The following GALNT2 variants were observed in gnomAD, a reference collection of about 807,000 sequenced individuals.
The protein encoded by GALNT2 is UDP-GalNAc:polypeptide N-acetylgalactosaminyltransferase 2.
GALNT2 carries 31 observed loss-of-function variants against 81.4 expected under a neutral mutation model. That is an observed-to-expected ratio of 0.38 (90% CI 0.29 to 0.51). The LOEUF (loss-of-function observed/expected upper bound fraction) is 0.51, where lower values mean the gene tolerates loss of function less well. GALNT2 is among the 20% of genes least tolerant of loss of function. The probability of loss-of-function intolerance (pLI) is 0.87; values close to 1 mark genes in which losing one functional copy is unlikely to be tolerated. For synonymous variants in GALNT2, 303 were observed against 287.4 expected (o/e 1.05, Z -0.55); for missense variants, 629 against 765.7 (o/e 0.82, Z 2.11).
At chr1:230,136,349 A>G (rs1464279969) in intron 1 of GALNT2, among the ~76,000 whole-genome samples, 1 of 152,196 alleles carries the variant, frequency 6.6e-6, no homozygotes, top group Admixed American at 6.5e-5. Flanking sequence ...CCATCCTCTG[A>G]TAACCCTGCC....
intron 1 of GALNT2, among the ~76,000 whole-genome samples, chr1:230,097,451 C>T (rs927228032): frequency 5.3e-5 from 8 of 152,112 alleles, no homozygotes; most frequent in African/African-American, 9.7e-5. Context: ...TTTCTGTCTC[C>T]GAATCTGACT....
At chr1:230,185,309 T>C (rs866814479) in intron 2 of GALNT2, among the ~76,000 whole-genome samples, 142 of 134,408 alleles carry the variant, frequency 1.1e-3, no homozygotes, top group African/African-American at 2.3e-3. Flanking sequence ...TGTGCGCGCG[T>C]GTGTGTGTGT....
chr1:230,251,627 T>C (rs1353848641), intron 10 of GALNT2, among the ~76,000 whole-genome samples: 1 of 152,180 alleles, frequency 6.6e-6, no homozygotes, highest in Non-Finnish European at 1.5e-5. Context: ...TTGAAGTCAC[T>C]TGAGTACAAA....
intron 6 of GALNT2, among the ~76,000 whole-genome samples, chr1:230,242,986 A>G (rs1349884479): frequency 1.3e-5 from 2 of 152,248 alleles, no homozygotes; most frequent in Non-Finnish European, 2.9e-5. Flanking sequence ...CTGCTGTGTC[A>G]GAGGAATGTA....
intron 3 of GALNT2, among the ~76,000 whole-genome samples, chr1:230,224,474 C>T (rs2102725517): frequency 6.6e-6 from 1 of 152,300 alleles, no homozygotes; most frequent in South Asian, 2.1e-4. Flanking sequence ...TTCAATAGCT[C>T]TTGACTCTTG....
chr1:230,099,359 T>C (rs2102775917), intron 1 of GALNT2, among the ~76,000 whole-genome samples: 1 of 152,266 alleles, frequency 6.6e-6, no homozygotes, highest in Admixed American at 6.5e-5. Context: ...TAGCATGCCA[T>C]GGTCAGATGT....
In GALNT2 at chr1:230,279,563, C is replaced by A; in HGVS notation, c.*105C>A. The A allele has an allele frequency of 1.5e-6, 2 of 1,338,790 alleles. No homozygotes were observed. The highest frequency in any genetic ancestry group is 1.4e-5 in the South Asian group (1 of 70,662). 82.9% of individuals were successfully genotyped at this position (1,338,790 alleles called of 1,614,324 possible). A position where few individuals can be genotyped will look rare whatever the true frequency, so the allele number is the denominator to read the frequency against. ...TAAACTTTCCGCGAAACTAATATAC[C>A]TCAGTATTCCATCATGGTCTGAAAG... On this transcript the variant is annotated 3_prime_UTR_variant, in exon 16 of 16. Coordinates refer to ENST00000366672, the MANE Select transcript of GALNT2 (RefSeq NM_004481.5). This position sits in a 1 kb window ranked among gnomAD's most constrained non-coding sequence, Gnocchi z 4.6.
chr1:230,221,505 G>GGACA (rs1664546199), intron 3 of GALNT2, among the ~76,000 whole-genome samples: 1 of 152,130 alleles, frequency 6.6e-6, no homozygotes, highest in Non-Finnish European at 1.5e-5. Flanking sequence ...AAGTGTCTGT[G>GGACA]GCCAGCCAGC....
At chr1:230,115,011 T>TTTTC (rs972505021) in intron 1 of GALNT2, among the ~76,000 whole-genome samples, 3 of 149,920 alleles carry the variant, frequency 2.0e-5, no homozygotes, top group Non-Finnish European at 4.4e-5. Flanking sequence ...TCACTCTTTT[T>TTTTC]TTTTTTTTTT....
chr1:230,153,596 G>A (rs1477415359), intron 1 of GALNT2, among the ~76,000 whole-genome samples: 1 of 152,186 alleles, frequency 6.6e-6, no homozygotes, highest in Admixed American at 6.5e-5. Context: ...ATCTGAGGAC[G>A]CCTTCCAGAT....
At chr1:230,067,864 C>G (rs1367514405) in intron 1 of GALNT2, among the ~76,000 whole-genome samples, 2 of 152,252 alleles carry the variant, frequency 1.3e-5, no homozygotes, top group Non-Finnish European at 2.9e-5. Context: ...TGCAAATCCT[C>G]GTCCCTTTCC....
rs1666288329 is a variant in GALNT2, at chr1:230,275,842, TAC to T, written c.1560+1280_1560+1281del. 1.3e-5 allele frequency among the ~76,000 whole-genome samples: 2 copies of T among 151,398 alleles called. No homozygotes were observed. The highest frequency in any genetic ancestry group is 2.9e-5 in the Non-Finnish European group (2 of 67,848). On this transcript the variant is annotated intron_variant, in intron 15 of 15. Coordinates refer to ENST00000366672, the MANE Select transcript of GALNT2 (RefSeq NM_004481.5). The surrounding 1 kb of genome is among the most constrained non-coding windows in gnomAD (Gnocchi z 5.5). ...TACATGCCACATATATACATGTATA[TAC>T]ATGCCACATAGATATACATATATAA... is the stretch of plus-strand genomic sequence containing the variant.
At chr1:230,119,743 C>A (rs1257750806) in intron 1 of GALNT2, among the ~76,000 whole-genome samples, 1 of 152,120 alleles carries the variant, frequency 6.6e-6, no homozygotes, top group Non-Finnish European at 1.5e-5. Flanking sequence ...TCAGTGGTAA[C>A]CAGATAGGGC....
At chr1:230,123,466 T>C (rs1413811821) in intron 1 of GALNT2, among the ~76,000 whole-genome samples, 2 of 152,158 alleles carry the variant, frequency 1.3e-5, no homozygotes, top group Non-Finnish European at 2.9e-5. Flanking sequence ...TTGTGTGAGT[T>C]CCAGGGTTCG....
In GALNT2 at chr1:230,279,323, C is replaced by A. The variant is rs1257383979; in HGVS notation, c.1581C>A (p.Gly527=). 1.2e-6 allele frequency: 2 copies of A among 1,614,126 alleles called. No individual in the cohort carries two copies. Among genetic ancestry groups the A allele is most frequent in the Middle Eastern group, 3.3e-4 (2 of 6,058 alleles). The part of the protein sequence containing the change: ...DSRQKWEQIE[G]NSKLRHVGSN... ...TGCAGAAATGGGAACAGATCGAGGG[C>A]AACTCCAAGCTGAGGCACGTGGGCA... Residue 527 remains glycine (G), a synonymous_variant, in exon 16 of 16, where the codon GGC becomes GGA. Coordinates refer to ENST00000366672, the MANE Select transcript of GALNT2 (RefSeq NM_004481.5). This position sits in a 1 kb window ranked among gnomAD's most constrained non-coding sequence, Gnocchi z 4.6.
intron 3 of GALNT2, among the ~76,000 whole-genome samples, chr1:230,206,669 G>A (rs1664067562): frequency 6.6e-6 from 1 of 152,042 alleles, no homozygotes; most frequent in Non-Finnish European, 1.5e-5. Context: ...ATCTACCTTC[G>A]TGTTGATCAA....
intron 2 of GALNT2, among the ~76,000 whole-genome samples, chr1:230,195,239 A>G (rs1463474067): frequency 6.6e-6 from 1 of 152,206 alleles, no homozygotes; most frequent in Non-Finnish European, 1.5e-5. Flanking sequence ...AGCAGGAACA[A>G]ACACCATTGT....
At chr1:230,094,524 G>C (rs1003704299) in intron 1 of GALNT2, among the ~76,000 whole-genome samples, 15 of 152,160 alleles carry the variant, frequency 9.9e-5, no homozygotes, top group Non-Finnish European at 2.1e-4. Flanking sequence ...TGTAATCCCA[G>C]CTACTTGGGA....
intron 1 of GALNT2, among the ~76,000 whole-genome samples, chr1:230,151,143 C>T (rs898369801): frequency 1.3e-5 from 2 of 152,148 alleles, no homozygotes; most frequent in Non-Finnish European, 2.9e-5. Context: ...TATAGCTTTG[C>T]CAACATAATG....
Sources: gnomAD v4.1 joint callset for allele counts (sites outside exome capture counted in the v4.1 genomes callset) on GRCh38, gnomAD v4.1.1 for gene constraint, Gnocchi (gnomAD v3.1) non-coding constraint, MANE v1.5 for transcripts, NCBI Gene and HGNC (gene_info 2026-07-23, HGNC 2026-07-21) for gene names.